The following TMEM114 variants were observed in gnomAD, a reference collection of about 807,000 sequenced individuals.
TMEM114 encodes the protein claudin-26.
Under a neutral mutation model 6.2 loss-of-function variants are expected in TMEM114, and 6 were observed. The observed-to-expected ratio is 0.97, with a 90% CI of 0.53 to 1.91. The LOEUF (loss-of-function observed/expected upper bound fraction) is 1.91. Among genes scored for constraint, TMEM114 ranks in the 40% most tolerant of loss-of-function variants. TMEM114 has a pLI of 0.01. For missense variants in TMEM114, 218 were observed against 158.3 expected, an observed-to-expected ratio of 1.38 and a Z score of -2.02; for synonymous variants, 104 against 73.0, an observed-to-expected ratio of 1.42 and a Z score of -2.16.
chr16:8,589,099 GCCACCC>G, intron 2 of TMEM114, 108 bp downstream of exon 2: 1 of 395,572 alleles, frequency 2.5e-6, no homozygotes, highest in Non-Finnish European at 4.5e-6. Context: ...GCTGTCAGAG[GCCACCC>G]CAGCCGCCCT....
chr16:8,572,865 G>T (rs1901782566), intron 2 of TMEM114, among the ~76,000 whole-genome samples: 1 of 152,194 alleles, frequency 6.6e-6, no homozygotes, highest in African/African-American at 2.4e-5. Context: ...TTTGGGCCTT[G>T]GCTCTGCCTC....
At chr16:8,550,282 C>T (rs886290949) in intron 2 of TMEM114, among the ~76,000 whole-genome samples, 1 of 152,256 alleles carries the variant, frequency 6.6e-6, no homozygotes, top group Non-Finnish European at 1.5e-5. Context: ...TACCCAGATA[C>T]ATCCAGAAAC....
the TMEM114 span, among the ~76,000 whole-genome samples, chr16:8,530,812 C>G: frequency 1.3e-5 from 2 of 151,926 alleles, no homozygotes; most frequent in Admixed American, 1.3e-4. Flanking sequence ...TTGCTTGAGG[C>G]CAGGAGTTTG....
At chr16:8,545,893 T>A (rs1170326849) in intron 2 of TMEM114, among the ~76,000 whole-genome samples, 1 of 152,152 alleles carries the variant, frequency 6.6e-6, no homozygotes, top group African/African-American at 2.4e-5. Context: ...GGGAGAAGGA[T>A]TGCTTGAGCC....
In TMEM114 at chr16:8,573,396, A is replaced by G. The variant is rs545408243; in HGVS notation, c.302-1172T>C. ...CTCCCAAGCCCAAACAGTCAAAGAT[A>G]AATAATAATACAACTTGTAAAATCA... On this transcript the variant is annotated intron_variant, in intron 2 of 3. Coordinates refer to ENST00000620492, the MANE Select transcript of TMEM114 (RefSeq NM_001146336.2). Among the ~76,000 whole-genome samples, 3 of 152,308 alleles carry G rather than the reference A, an allele frequency of 2.0e-5. No individual in the cohort carries two copies. The South Asian group carries it at 6.2e-4, about 32-fold the overall frequency.
the TMEM114 span, among the ~76,000 whole-genome samples, chr16:8,527,360 C>G: frequency 6.6e-6 from 1 of 152,094 alleles, no homozygotes; most frequent in Non-Finnish European, 1.5e-5. Flanking sequence ...TCAGGGACAC[C>G]CAAATTCAAA....
intron 2 of TMEM114, among the ~76,000 whole-genome samples, chr16:8,584,408 C>A (rs150093604): frequency 6.6e-6 from 1 of 152,152 alleles, no homozygotes; most frequent in South Asian, 2.1e-4. Flanking sequence ...AGAAACAAAC[C>A]CACGACTTCC....
chr16:8,584,940 A>AAAAAAAAAAG (rs1409319481), intron 2 of TMEM114, among the ~76,000 whole-genome samples: 7 of 146,832 alleles, frequency 4.8e-5, no homozygotes, highest in Admixed American at 6.9e-5. Flanking sequence ...AAAAAAAAAA[A>AAAAAAAAAAG]AAGAAGAAGA....
At chr16:8,566,685 C>T (rs889437910), downstream of TMEM114, among the ~76,000 whole-genome samples, 15 of 152,154 alleles carry the variant, frequency 9.9e-5, no homozygotes, top group African/African-American at 3.4e-4. Context: ...TATTTCTCTC[C>T]ATCAACCCTC....
chr16:8,583,667 G>C (rs1902224890), intron 2 of TMEM114, among the ~76,000 whole-genome samples: 1 of 152,036 alleles, frequency 6.6e-6, no homozygotes. Context: ...AGAATTGCTT[G>C]AGCCTGGGAG....
chr16:8,528,552 A>G, the TMEM114 span, among the ~76,000 whole-genome samples: 1 of 152,134 alleles, frequency 6.6e-6, no homozygotes, highest in Non-Finnish European at 1.5e-5. Flanking sequence ...CACCAAGAGG[A>G]GCGCAACAGG....
Position 8,572,988 on chromosome 16 carries a change from A to C in TMEM114, c.302-764T>G, listed in dbSNP as rs181584545. 5.4e-4 allele frequency among the ~76,000 whole-genome samples: 83 copies of C among 152,314 alleles called. No homozygotes were observed. The East Asian group carries it at 0.014, about 26-fold the overall frequency. ...TTATCCTTCTCCCAAGGCTGGCTTC[A>C]CTGACTGGAGTGCCGGCCCCGTTCT... On this transcript the variant is annotated intron_variant, in intron 2 of 3. Transcript: ENST00000620492.
At chr16:8,528,875 G>A in the TMEM114 span, among the ~76,000 whole-genome samples, 1 of 152,164 alleles carries the variant, frequency 6.6e-6, no homozygotes, top group African/African-American at 2.4e-5. Context: ...AGGCATTCTT[G>A]GTAGGGGGGA....
intron 2 of TMEM114, among the ~76,000 whole-genome samples, chr16:8,562,385 GGAATGAGTGAGTGAGT>G (rs1901272201): frequency 1.7e-5 from 2 of 115,236 alleles, no homozygotes; most frequent in Admixed American, 8.6e-5. Context: ...AGTGAGTGAG[GGAATGAGTGAGTGAGT>G]GAATGAGTAA....
chr16:8,545,456 A>G (rs1423381286), intron 2 of TMEM114, among the ~76,000 whole-genome samples: 3 of 152,160 alleles, frequency 2.0e-5, no homozygotes, highest in Non-Finnish European at 4.4e-5. Flanking sequence ...CATCATCATC[A>G]TCATCATCAC....
At chr16:8,562,689 G>T (rs28970873) in intron 2 of TMEM114, among the ~76,000 whole-genome samples, 130,991 of 149,960 alleles carry the variant, frequency 0.87, 56,890 homozygotes, top group African/African-American at 0.91. Flanking sequence ...AGTGAGTGAG[G>T]GAATGAGTGA....
At chr16:8,588,471 A>G (rs1338303755) in intron 2 of TMEM114, among the ~76,000 whole-genome samples, 1 of 152,216 alleles carries the variant, frequency 6.6e-6, no homozygotes, top group Non-Finnish European at 1.5e-5. Context: ...GATGAAAAGC[A>G]GTTCGCTCCA....
chr16:8,558,229 C>G (rs950774440), intron 2 of TMEM114, among the ~76,000 whole-genome samples: 1 of 152,102 alleles, frequency 6.6e-6, no homozygotes. Flanking sequence ...GCCTAGGCAA[C>G]AGAATGAGAG....
intron 2 of TMEM114, among the ~76,000 whole-genome samples, chr16:8,554,122 A>T (rs946323127): frequency 6.6e-6 from 1 of 151,952 alleles, no homozygotes; most frequent in Admixed American, 6.6e-5. Flanking sequence ...CAGGTGATCC[A>T]CCCGACTTGG....
Sources: gnomAD v4.1 joint callset for allele counts (sites outside exome capture counted in the v4.1 genomes callset) on GRCh38, gnomAD v4.1.1 for gene constraint, MANE v1.5 for transcripts, NCBI Gene and HGNC (gene_info 2026-07-23, HGNC 2026-07-21) for gene names.